Variants in RHD observed in about 807,000 individuals in gnomAD.
RHD encodes blood group Rh(D) polypeptide.
Under a neutral mutation model 45.5 loss-of-function variants are expected in RHD, and 16 were observed. The ratio of observed to expected loss-of-function variants is 0.35; its 90% CI spans 0.24 to 0.53. RHD has a LOEUF of 0.53. Ranked by LOEUF, RHD falls within the 20% of genes least tolerant of loss-of-function variation. RHD has a pLI of 0.92. For synonymous variants in RHD, 131 were observed against 217.5 expected (o/e 0.60, Z 3.50); for missense variants, 306 against 532.0 (o/e 0.58, Z 4.18).
chr1:25,292,719 A>C (rs1642621267), intron 3 of RHD, among the ~76,000 whole-genome samples: 1 of 126,776 alleles, frequency 7.9e-6, no homozygotes, highest in Non-Finnish European at 1.9e-5. Context: ...ACAAGTCTGA[A>C]GCTTAGTGGA....
intron 7 of RHD, among the ~76,000 whole-genome samples, chr1:25,316,357 T>G (rs1327884298): frequency 2.3e-5 from 3 of 129,560 alleles, no homozygotes; most frequent in African/African-American, 8.0e-5. Flanking sequence ...TGGTGGCTCA[T>G]GTCTGTAATC....
Position 25,297,829 on chromosome 1 carries a change from G to A in RHD, c.487-3117G>A, listed in dbSNP as rs1434326316. ...CCATAAAGGTGTATCTGTGTAGTAT[G>A]GACAGTTTTAAAAAACAAACAAACA... On this transcript the variant is annotated intron_variant, in intron 3 of 9. Coordinates refer to ENST00000328664, the MANE Select transcript of RHD (RefSeq NM_016124.6). 2.3e-5 allele frequency among the ~76,000 whole-genome samples: 3 copies of A among 131,622 alleles called. 1 individual carries two copies. The highest frequency in any genetic ancestry group is 7.9e-5 in the African/African-American group (3 of 38,150). 86.3% of individuals were successfully genotyped at this position (131,622 alleles called of 152,430 possible). A position where few individuals can be genotyped will look rare whatever the true frequency, so the allele number is the denominator to read the frequency against.
In RHD at chr1:25,320,422, G is replaced by C. The variant is rs1644637959; in HGVS notation, c.1154-1467G>C. On this transcript the variant is annotated intron_variant, in intron 8 of 9. Coordinates refer to ENST00000328664, the MANE Select transcript of RHD (RefSeq NM_016124.6). ...ACAGATATTCCTCAGTGATGAGTAA[G>C]CCTCAGCTATCTGGAAAATTCATGC... is the stretch of plus-strand genomic sequence containing the variant. Among the ~76,000 whole-genome samples the C allele has an allele frequency of 2.3e-5, 3 of 131,942 alleles. 1 individual carries two copies. Among genetic ancestry groups the C allele is most frequent in the African/African-American group, 7.7e-5 (3 of 38,786 alleles). 86.6% of individuals were successfully genotyped at this position (131,942 alleles called of 152,430 possible). A position where few individuals can be genotyped will look rare whatever the true frequency, so the allele number is the denominator to read the frequency against.
chr1:25,294,272 G>A lies in RHD; in HGVS notation c.486+3481G>A. 2.7e-6 allele frequency: 3 copies of A among 1,123,274 alleles called. 1 individual carries two copies. The highest frequency in any genetic ancestry group is 4.0e-6 in the Non-Finnish European group (3 of 748,256). 69.6% of individuals were successfully genotyped at this position (1,123,274 alleles called of 1,614,324 possible). A position where few individuals can be genotyped will look rare whatever the true frequency, so the allele number is the denominator to read the frequency against. Reference sequence around the variant, plus strand: ...CTGAAAATGCCAAAAGCCCTGCCTTGGCAGCTTTCTGCGAGGCATCCCCAT... The same window carrying A: ...CTGAAAATGCCAAAAGCCCTGCCTTAGCAGCTTTCTGCGAGGCATCCCCAT... On this transcript the variant is annotated intron_variant, in intron 3 of 9. Coordinates refer to ENST00000328664, the MANE Select transcript of RHD (RefSeq NM_016124.6).
chr1:25,300,351 A>G (rs1378469226), intron 3 of RHD, among the ~76,000 whole-genome samples: 1 of 129,902 alleles, frequency 7.7e-6, no homozygotes, highest in Non-Finnish European at 1.8e-5. Context: ...ATCTTTACAC[A>G]AAATTTAAAA....
intron 3 of RHD, among the ~76,000 whole-genome samples, chr1:25,292,655 G>A (rs11488397): frequency 7.7e-6 from 1 of 129,294 alleles, no homozygotes. Context: ...GGTTGGGGGA[G>A]GGGGGGTAGA....
chr1:25,306,983 G>A, intron 7 of RHD: 1 of 437,562 alleles, frequency 2.3e-6, no homozygotes, highest in Non-Finnish European at 4.7e-6. Context: ...AATCTTTTGT[G>A]ATCCCACAAA....
At chr1:25,291,072 T>C (rs1392108024) in intron 3 of RHD, among the ~76,000 whole-genome samples, 3 of 130,176 alleles carry the variant, frequency 2.3e-5, no homozygotes, top group East Asian at 1.9e-4. Context: ...GGAAGGATTG[T>C]TTGAGCCCAG....
At chr1:25,321,334 C>A (rs1272686818) in intron 8 of RHD, among the ~76,000 whole-genome samples, 4 of 119,742 alleles carry the variant, frequency 3.3e-5, no homozygotes, top group Admixed American at 3.3e-4. Flanking sequence ...CACTGCCATT[C>A]CCAGTTCTTT....
intron 9 of RHD, among the ~76,000 whole-genome samples, chr1:25,323,526 A>C (rs1361897458): frequency 7.9e-6 from 1 of 126,654 alleles, no homozygotes; most frequent in African/African-American, 2.7e-5. Flanking sequence ...TGGCACCATC[A>C]TGGCTCACTG....
At chr1:25,291,161 T>TAGACAGACAGACAGACAGAC (rs377224052) in intron 3 of RHD, among the ~76,000 whole-genome samples, 1 of 124,022 alleles carries the variant, frequency 8.1e-6, no homozygotes, top group African/African-American at 2.9e-5. Context: ...GATAGATAGA[T>TAGACAGACAGACAGACAGAC]AGACAGACAG....
Position 25,304,734 on chromosome 1 carries a change from A to G in RHD, c.939+1275A>G, listed in dbSNP as rs1643664142. On this transcript the variant is annotated intron_variant, in intron 6 of 9. Coordinates refer to ENST00000328664, the MANE Select transcript of RHD (RefSeq NM_016124.6). ...AAATTAAATAAGGAAAAACGTATCAATACTTCGATTAACCAAAACCAGGGC... is the reference window on the plus strand; with the variant it reads ...AAATTAAATAAGGAAAAACGTATCAGTACTTCGATTAACCAAAACCAGGGC... 3 of 132,470 alleles carry G rather than the reference A, an allele frequency of 2.3e-5. 1 individual carries two copies. Among genetic ancestry groups the G allele is most frequent in the Non-Finnish European group, 5.3e-5 (3 of 56,160 alleles). 8.2% of individuals were successfully genotyped at this position (132,470 alleles called of 1,614,324 possible).
rs1175416358 is a variant in RHD at position 25,283,818 on chromosome 1, T to A, written c.149-755T>A. On this transcript the variant is annotated intron_variant, in intron 1 of 9. Transcript: ENST00000328664. Reference sequence around the variant, plus strand: ...TGATTTGAACCCAAGTTTGTCTCGTTCTGGAGCTCAAGCTGCTAACCCTTT... The same window carrying A: ...TGATTTGAACCCAAGTTTGTCTCGTACTGGAGCTCAAGCTGCTAACCCTTT... Among the ~76,000 whole-genome samples, 3 of 133,906 alleles carry A rather than the reference T, an allele frequency of 2.2e-5. 1 individual carries two copies. Among genetic ancestry groups the A allele is most frequent in the African/African-American group, 7.9e-5 (3 of 37,936 alleles). 87.8% of individuals were successfully genotyped at this position (133,906 alleles called of 152,430 possible).
rs1205729971 is a variant in RHD, at chr1:25,313,655, C to A, written c.1074-3345C>A. Among the ~76,000 whole-genome samples, 3 of 132,214 alleles carry A rather than the reference C, an allele frequency of 2.3e-5. 1 individual carries two copies. Among genetic ancestry groups the A allele is most frequent in the Non-Finnish European group, 5.4e-5 (3 of 55,784 alleles). The allele number at this position is 132,214 out of a possible 152,430, so 86.7% of individuals were successfully genotyped here. A position where few individuals can be genotyped will look rare whatever the true frequency, so the allele number is the denominator to read the frequency against. ...CATGCAGGGCCACACAAAACTGTATCATCCAGGGACCAGGCAGCAGAAAGA... is the reference window on the plus strand; with the variant it reads ...CATGCAGGGCCACACAAAACTGTATAATCCAGGGACCAGGCAGCAGAAAGA... On this transcript the variant is annotated intron_variant, in intron 7 of 9. Transcript: ENST00000328664.
intron 3 of RHD, among the ~76,000 whole-genome samples, chr1:25,296,662 T>C (rs375396346): frequency 3.8e-5 from 5 of 130,924 alleles, no homozygotes; most frequent in African/African-American, 1.3e-4. Flanking sequence ...ACAGGGGTGG[T>C]TTCCCCCATG....
Position 25,292,468 on chromosome 1 carries a change from G to C in RHD, c.486+1677G>C, listed in dbSNP as rs1330891920. On this transcript the variant is annotated intron_variant, in intron 3 of 9. Coordinates refer to ENST00000328664, the MANE Select transcript of RHD (RefSeq NM_016124.6). ...CTGTATTTTAATAGCAGAATTGACA[G>C]GATTTGCTGATAGACTGCACGTGGG... Among the ~76,000 whole-genome samples the C allele has an allele frequency of 2.3e-5, 3 of 132,170 alleles. 1 individual carries two copies. The highest frequency in any genetic ancestry group is 2.2e-4 in the Admixed American group (3 of 13,576). The allele number at this position is 132,170 out of a possible 152,430, so 86.7% of individuals were successfully genotyped here.
intron 1 of RHD, among the ~76,000 whole-genome samples, chr1:25,280,408 C>A (rs1330709993): frequency 7.9e-6 from 1 of 125,876 alleles, no homozygotes. Flanking sequence ...TGGGTTCAAG[C>A]GATTCTCCTG....
intron 3 of RHD, among the ~76,000 whole-genome samples, chr1:25,292,739 G>A (rs1281049249): frequency 8.0e-6 from 1 of 125,616 alleles, no homozygotes; most frequent in East Asian, 2.0e-4. Context: ...AAAGGTTAGG[G>A]CTAGGGATAT....
intron 6 of RHD, among the ~76,000 whole-genome samples, chr1:25,305,587 T>TTGTTGC (rs1183175035): frequency 9.4e-6 from 1 of 105,864 alleles, no homozygotes; most frequent in Non-Finnish European, 2.1e-5. Context: ...ATGTATTTTG[T>TTGTTGC]TGTTGTTGTT....
Sources: gnomAD v4.1 joint callset for allele counts (sites outside exome capture counted in the v4.1 genomes callset) on GRCh38, gnomAD v4.1.1 for gene constraint, MANE v1.5 for transcripts, NCBI Gene and HGNC (gene_info 2026-07-23, HGNC 2026-07-21) for gene names.